Variants in GTF2F2 observed in about 807,000 individuals in gnomAD.
GTF2F2 encodes the protein ATP-dependent helicase GTF2F2.
Under a neutral mutation model 42.2 loss-of-function variants are expected in GTF2F2, and 23 were observed. The observed-to-expected ratio is 0.55, with a 90% CI of 0.39 to 0.77. The LOEUF is 0.77. Ranked by LOEUF, GTF2F2 falls within the 30% of genes least tolerant of loss-of-function variation. The probability of loss-of-function intolerance (pLI) is 0.00; values close to 1 mark genes in which losing one functional copy is unlikely to be tolerated. For synonymous variants in GTF2F2, 105 were observed against 100.8 expected, an observed-to-expected ratio of 1.04 and a Z score of -0.25; for missense variants, 261 against 287.2, an observed-to-expected ratio of 0.91 and a Z score of 0.66.
At chr13:45,224,862 C>A (rs1874263732) in intron 5 of GTF2F2, among the ~76,000 whole-genome samples, 1 of 152,208 alleles carries the variant, frequency 6.6e-6, no homozygotes, top group South Asian at 2.1e-4. Context: ...ATTCTGCAGT[C>A]AATCTCAATG....
In GTF2F2 at chr13:45,151,682, A is replaced by G. The variant is rs199984320; in HGVS notation, c.160-5A>G. 1.4e-5 allele frequency: 23 copies of G among 1,588,740 alleles called. No individual in the cohort carries two copies. The highest frequency in any genetic ancestry group is 5.4e-5 in the African/African-American group (4 of 74,504). On this transcript the variant is annotated splice_polypyrimidine_tract_variant and splice_region_variant and intron_variant, in intron 3 of 7. Coordinates refer to ENST00000340473, the MANE Select transcript of GTF2F2 (RefSeq NM_004128.3). ...GTTATAATCTCTGGTTAATGTGTCT[A>G]TTAGGTGTCATTTACTTTGAATGAG...
rs1157972776 is a variant in GTF2F2, at chr13:45,278,816, C to CTTTTT, written c.631-4605_631-4601dup. Among the ~76,000 whole-genome samples, 256 of 62,318 alleles carry CTTTTT rather than the reference C, an allele frequency of 4.1e-3. 1 individual carries two copies. Among genetic ancestry groups the CTTTTT allele is most frequent in the Middle Eastern group, 0.028 (1 of 36 alleles). 40.9% of individuals were successfully genotyped at this position (62,318 alleles called of 152,430 possible). ...CCTGCCAATTTGCCTTTTTCTTTTT[C>CTTTTT]TTTTTTTTTTTTTTTTTTTTTTTTT... On this transcript the variant is annotated intron_variant, in intron 7 of 7. Transcript: ENST00000340473.
At chr13:45,193,753 T>G in intron 4 of GTF2F2, 2 of 1,537,632 alleles carry the variant, frequency 1.3e-6, no homozygotes, top group Non-Finnish European at 1.7e-6. Flanking sequence ...GCTTGCTGGC[T>G]GCATGCTTGT....
intron 1 of GTF2F2, among the ~76,000 whole-genome samples, chr13:45,130,447 T>A (rs925697947): frequency 1.6e-4 from 24 of 152,214 alleles, no homozygotes; most frequent in African/African-American, 5.3e-4. Flanking sequence ...TGACTTAGGT[T>A]TTAAGATGAC....
intron 2 of GTF2F2, 64 bp from the exon 3 acceptor site, chr13:45,149,706 A>T: frequency 7.1e-7 from 1 of 1,414,760 alleles, no homozygotes; most frequent in Non-Finnish European, 9.4e-7. Context: ...TTAAGCTCTT[A>T]ACTCACATTT....
chr13:45,180,436 C>T (rs1344947629), intron 4 of GTF2F2, among the ~76,000 whole-genome samples: 1 of 151,850 alleles, frequency 6.6e-6, no homozygotes, highest in Non-Finnish European at 1.5e-5. Context: ...TCATTTTTTT[C>T]CGTATGTGTG....
chr13:45,264,809 C>T (rs1345207325), intron 6 of GTF2F2, among the ~76,000 whole-genome samples: 1 of 152,198 alleles, frequency 6.6e-6, no homozygotes, highest in East Asian at 1.9e-4. Context: ...AGAATGTGCG[C>T]CCTCTGTAAA....
At chr13:45,278,824 T>TC (rs1443845229) in intron 7 of GTF2F2, among the ~76,000 whole-genome samples, 4 of 131,512 alleles carry the variant, frequency 3.0e-5, no homozygotes, top group African/African-American at 1.2e-4. Context: ...TTCTTTTTTT[T>TC]TTTTTTTTTT....
intron 4 of GTF2F2, among the ~76,000 whole-genome samples, chr13:45,167,244 T>G (rs2138139397): frequency 6.6e-6 from 1 of 151,228 alleles, no homozygotes; most frequent in East Asian, 1.9e-4. Flanking sequence ...TTTTTTTTTT[T>G]TTTTTTTAAA....
intron 5 of GTF2F2, among the ~76,000 whole-genome samples, chr13:45,227,818 A>G (rs1470025117): frequency 6.6e-6 from 1 of 152,170 alleles, no homozygotes; most frequent in African/African-American, 2.4e-5. Flanking sequence ...CCTCTGCAGT[A>G]GAGAGATGAG....
chr13:45,276,408 A>C (rs1877036815), intron 7 of GTF2F2, among the ~76,000 whole-genome samples: 1 of 150,416 alleles, frequency 6.6e-6, no homozygotes, highest in Non-Finnish European at 1.5e-5. Context: ...TCACATGGTA[A>C]CTTTGTTTAG....
At chr13:45,254,354 T>C (rs1288875490) in intron 6 of GTF2F2, among the ~76,000 whole-genome samples, 1 of 152,226 alleles carries the variant, frequency 6.6e-6, no homozygotes, top group Non-Finnish European at 1.5e-5. Flanking sequence ...GCAACATATC[T>C]CCTGCCAATA....
At chr13:45,240,653 C>A (rs1875243555) in intron 5 of GTF2F2, among the ~76,000 whole-genome samples, 1 of 151,564 alleles carries the variant, frequency 6.6e-6, no homozygotes, top group Admixed American at 6.6e-5. Context: ...CATGGTGAAA[C>A]CCTGTCTCTA....
intron 1 of GTF2F2, among the ~76,000 whole-genome samples, chr13:45,133,522 G>A (rs180962917): frequency 2.7e-4 from 41 of 152,030 alleles, no homozygotes; most frequent in African/African-American, 9.7e-4. Flanking sequence ...TATGGTATGA[G>A]TTTATAAATT....
chr13:45,213,891 G>A (rs1873793875), intron 5 of GTF2F2, among the ~76,000 whole-genome samples: 1 of 152,118 alleles, frequency 6.6e-6, no homozygotes, highest in Non-Finnish European at 1.5e-5. Context: ...GAAGGAGAAA[G>A]TGATTTCAAA....
chr13:45,191,224 A>AAAAAATATATATATATATATAT, intron 4 of GTF2F2, among the ~76,000 whole-genome samples: 17 of 75,312 alleles, frequency 2.3e-4, no homozygotes, highest in African/African-American at 5.0e-4. Flanking sequence ...ACAAAAAAAA[A>AAAAAATATATATATATATATAT]ATATATATAT....
At chr13:45,255,166 C>CAAAAAAAAAAAAAAAAA (rs55795620) in intron 6 of GTF2F2, among the ~76,000 whole-genome samples, 1 of 76,106 alleles carries the variant, frequency 1.3e-5, no homozygotes, top group Non-Finnish European at 2.7e-5. Context: ...GACTTTGTCT[C>CAAAAAAAAAAAAAAAAA]AAAAAAAAAA....
At chr13:45,280,941 A>G (rs957667455) in intron 7 of GTF2F2, among the ~76,000 whole-genome samples, 2 of 152,210 alleles carry the variant, frequency 1.3e-5, no homozygotes, top group Non-Finnish European at 2.9e-5. Flanking sequence ...CTCATAATAA[A>G]CCATTCTTTG....
intron 2 of GTF2F2, among the ~76,000 whole-genome samples, chr13:45,146,333 A>G (rs1323873422): frequency 1.3e-5 from 2 of 152,044 alleles, no homozygotes; most frequent in Non-Finnish European, 2.9e-5. Context: ...CTGTCTCTAC[A>G]AAAATAAAAA....
Sources: allele counts gnomAD v4.1 joint callset (sites outside exome capture counted in the v4.1 genomes callset), GRCh38; gene constraint gnomAD v4.1.1; transcripts MANE v1.5; gene names NCBI Gene and HGNC (gene_info 2026-07-23, HGNC 2026-07-21).